The following FRAS1 variants were observed in gnomAD, a reference collection of about 807,000 sequenced individuals.
FRAS1 encodes Fraser extracellular matrix complex subunit 1, also known as extracellular matrix organizing protein FRAS1.
In FRAS1, 290 loss-of-function variants were observed where a neutral mutation model predicts 435.2. The observed-to-expected ratio is 0.67, with a 90% CI of 0.61 to 0.73. The LOEUF is 0.73. Ranked by LOEUF, FRAS1 falls within the 30% of genes least tolerant of loss-of-function variation. FRAS1 has a pLI of 0.00. For missense variants in FRAS1, 4,860 were observed against 5,001.5 expected, an observed-to-expected ratio of 0.97 and a Z score of 0.85; for synonymous variants, 1,800 against 1,851.0, an observed-to-expected ratio of 0.97 and a Z score of 0.71.
At chr4:78,096,562 G>A (rs764240186) in intron 2 of FRAS1, among the ~76,000 whole-genome samples, 11 of 152,180 alleles carry the variant, frequency 7.2e-5, no homozygotes, top group Non-Finnish European at 1.5e-4. Context: ...AAATCTAGGT[G>A]GGGTTCCCAG....
intron 6 of FRAS1, among the ~76,000 whole-genome samples, chr4:78,258,337 A>G (rs1725890027): frequency 2.4e-5 from 1 of 40,884 alleles, no homozygotes; most frequent in South Asian, 1.1e-3. Flanking sequence ...CAAGACCTGT[A>G]TCAAAAAAAA....
At chr4:78,279,281 A>G (rs1727208193) in intron 10 of FRAS1, among the ~76,000 whole-genome samples, 1 of 152,178 alleles carries the variant, frequency 6.6e-6, no homozygotes, top group Non-Finnish European at 1.5e-5. Context: ...AATGAGGGAG[A>G]AAGGCATTGG....
chr4:78,409,512 G>A (rs563548008), intron 31 of FRAS1, among the ~76,000 whole-genome samples: 18 of 152,138 alleles, frequency 1.2e-4, no homozygotes, highest in Non-Finnish European at 2.5e-4. Context: ...GAAGGAATTA[G>A]TAGAGATAAG....
chr4:78,224,316 A>G (rs762545938), intron 2 of FRAS1, among the ~76,000 whole-genome samples: 13 of 152,188 alleles, frequency 8.5e-5, no homozygotes, highest in Non-Finnish European at 1.6e-4. Context: ...GTGATAACTG[A>G]CCAGACGTTC....
intron 18 of FRAS1, among the ~76,000 whole-genome samples, chr4:78,330,898 C>T (rs1051592862): frequency 1.3e-5 from 2 of 152,230 alleles, no homozygotes; most frequent in Admixed American, 6.5e-5. Context: ...CTGTGACCCA[C>T]ACCCTATTCG....
At chr4:78,100,384 T>A (rs866267034) in intron 2 of FRAS1, among the ~76,000 whole-genome samples, 1 of 152,256 alleles carries the variant, frequency 6.6e-6, no homozygotes, top group African/African-American at 2.4e-5. Flanking sequence ...AAACAGTCAG[T>A]GGCTTTCCTG....
At chr4:78,126,944 G>A (rs9994422) in intron 2 of FRAS1, among the ~76,000 whole-genome samples, 32,899 of 151,956 alleles carry the variant, frequency 0.22, 3,891 homozygotes, top group Admixed American at 0.29. Flanking sequence ...CTCAGAATAA[G>A]CCCCAACCAT....
At chr4:78,451,027 A>G (rs1216236109) in intron 45 of FRAS1, among the ~76,000 whole-genome samples, 1 of 147,634 alleles carries the variant, frequency 6.8e-6, no homozygotes, top group Non-Finnish European at 1.5e-5. Flanking sequence ...AAAATTGACA[A>G]CAGCTGAATT....
intron 2 of FRAS1, among the ~76,000 whole-genome samples, chr4:78,070,078 G>A (rs1740258252): frequency 6.6e-6 from 1 of 152,060 alleles, no homozygotes; most frequent in Non-Finnish European, 1.5e-5. Context: ...TCCTGCTAAA[G>A]CCAGCTGTCC....
intron 2 of FRAS1, 108 bp downstream of exon 2, chr4:78,066,124 T>C (rs982439962): frequency 3.7e-6 from 3 of 805,990 alleles, no homozygotes; most frequent in Admixed American, 4.3e-5. Flanking sequence ...TGTTTATTTT[T>C]CTTCAACGTT....
At chr4:78,393,976 A>T (rs773653356) in intron 29 of FRAS1, among the ~76,000 whole-genome samples, 5 of 151,750 alleles carry the variant, frequency 3.3e-5, no homozygotes, top group Admixed American at 6.6e-5. Flanking sequence ...ATGATTATGT[A>T]TGCTTTTCAT....
chr4:78,473,589 A>G lies in FRAS1; in HGVS notation c.7674A>G (p.Lys2558=), dbSNP rs781637185. ...TCCAGTGGTCACTCATCAGCTTTAA[A>G]TATACCAGGTACAAGTTTTACTGTG... ...FHIQWSLISF[K]YTSYNVSEKA... The change falls in exon 53 of 74, where the codon AAA becomes AAG. Residue 2558 remains lysine (K), a synonymous_variant. Transcript: ENST00000512123. 2.5e-6 allele frequency: 4 copies of G among 1,592,772 alleles called. No individual in the cohort carries two copies. In the African/African-American group the frequency reaches 5.4e-5, roughly 21 times the overall value.
At chr4:78,473,902 A>G (rs1050626101) in intron 53 of FRAS1, among the ~76,000 whole-genome samples, 7 of 152,236 alleles carry the variant, frequency 4.6e-5, no homozygotes, top group Non-Finnish European at 8.8e-5. Flanking sequence ...CCACAGTCAC[A>G]TAGCTAATAA....
At chr4:78,450,412 C>G (rs1195068402) in intron 45 of FRAS1, 73 bp downstream of exon 45, 1 of 1,230,002 alleles carries the variant, frequency 8.1e-7, no homozygotes, top group Non-Finnish European at 1.2e-6. Context: ...AATTAAATAT[C>G]TGGTAGTCTA....
intron 14 of FRAS1, among the ~76,000 whole-genome samples, chr4:78,302,754 T>C (rs1037689175): frequency 1.3e-5 from 2 of 152,238 alleles, no homozygotes; most frequent in South Asian, 4.1e-4. Flanking sequence ...ATTCTGGATA[T>C]TAGTCCTTTG....
chr4:78,058,092 G>C lies in FRAS1; in HGVS notation c.76+7G>C, dbSNP rs1739559383. 1.2e-6 allele frequency: 2 copies of C among 1,611,746 alleles called. No individual in the cohort carries two copies. The highest frequency in any genetic ancestry group is 1.7e-5 in the Admixed American group (1 of 59,872). On this transcript the variant is annotated splice_region_variant and intron_variant, in intron 1 of 73. Transcript: ENST00000512123. ...TTGCCTCATCATTCCGAAGGTGAGA[G>C]AGCGGTGCCGCGTGTGTGTGTGTGT...
At chr4:78,192,988 G>C (rs963645941) in intron 2 of FRAS1, among the ~76,000 whole-genome samples, 22 of 152,252 alleles carry the variant, frequency 1.4e-4, no homozygotes, top group African/African-American at 4.1e-4. Flanking sequence ...GTTCTCATTG[G>C]TTTCAAAGAA....
At chr4:78,209,124 A>T (rs1723393700) in intron 2 of FRAS1, among the ~76,000 whole-genome samples, 1 of 152,134 alleles carries the variant, frequency 6.6e-6, no homozygotes, top group African/African-American at 2.4e-5. Flanking sequence ...CAGCCTGGGC[A>T]GCAGAGCAAG....
At chr4:78,177,478 G>T (rs1721825184) in intron 2 of FRAS1, among the ~76,000 whole-genome samples, 1 of 152,116 alleles carries the variant, frequency 6.6e-6, no homozygotes, top group African/African-American at 2.4e-5. Flanking sequence ...TGGGGACATT[G>T]GTCTATGGTT....
Sources: allele counts gnomAD v4.1 joint callset (sites outside exome capture counted in the v4.1 genomes callset), GRCh38; gene constraint gnomAD v4.1.1; transcripts MANE v1.5; gene names NCBI Gene and HGNC (gene_info 2026-07-23, HGNC 2026-07-21).